Variants in XKR9 observed in about 807,000 individuals in gnomAD.
XKR9 encodes the protein XK related 9, also known as XK-related protein 9.
In XKR9, 32 loss-of-function variants were observed where a neutral mutation model predicts 32.0. The ratio of observed to expected loss-of-function variants is 1.00; its 90% confidence interval spans 0.76 to 1.34. XKR9 has a LOEUF of 1.34. Among genes scored for constraint, XKR9 ranks in the 40% most tolerant of loss-of-function variants. The pLI, the probability that XKR9 is intolerant of heterozygous loss-of-function variation, is 0.00. For missense variants in XKR9, 546 were observed against 429.7 expected, an observed-to-expected ratio of 1.27 and a Z score of -2.39; for synonymous variants, 168 against 143.4, an observed-to-expected ratio of 1.17 and a Z score of -1.22.
the XKR9 span, among the ~76,000 whole-genome samples, chr8:71,020,048 A>T: frequency 6.6e-6 from 1 of 152,176 alleles, no homozygotes; most frequent in African/African-American, 2.4e-5. Flanking sequence ...AATGCCAAAC[A>T]TGTGCCACTA....
At position 70,757,194 on chromosome 8, in the gene XKR9, G is replaced by T. The variant is rs183985570; in HGVS notation, n.353-32145G>T. On this transcript the variant is annotated intron_variant and non_coding_transcript_variant, in intron 2 of 3. Coordinates refer to the XKR9 transcript ENST00000520273. ...TTGAATTCTTGGTGAAATCTCATTT[G>T]GTTATGAATTTTCTCATTTCTCCTC... Among the ~76,000 whole-genome samples the T allele has an allele frequency of 1.2e-3, 178 of 151,892 alleles. 2 individuals are homozygous for T. The East Asian group carries it at 0.03, about 26-fold the overall frequency.
intron 3 of XKR9, among the ~76,000 whole-genome samples, chr8:70,684,652 AAAAC>A (rs1466890561): frequency 1.2e-4 from 18 of 151,184 alleles, no homozygotes; most frequent in African/African-American, 3.9e-4. Context: ...TTACAAGAAA[AAAAC>A]AAACAACCCC....
intron 2 of XKR9, among the ~76,000 whole-genome samples, chr8:70,779,813 C>T (rs1807590228): frequency 6.6e-6 from 1 of 151,716 alleles, no homozygotes; most frequent in African/African-American, 2.4e-5. Context: ...TCCTTAATCA[C>T]TTTTATTGTG....
At chr8:70,897,482 A>G in the XKR9 span, among the ~76,000 whole-genome samples, 1 of 152,278 alleles carries the variant, frequency 6.6e-6, no homozygotes, top group African/African-American at 2.4e-5. Context: ...TGGTTATACT[A>G]ATTTACATTA....
the XKR9 span, among the ~76,000 whole-genome samples, chr8:70,909,981 T>C: frequency 3.3e-4 from 50 of 152,164 alleles, no homozygotes; most frequent in Middle Eastern, 3.4e-3. Context: ...GTGCTGGGAT[T>C]ACAGGCATGA....
the XKR9 span, among the ~76,000 whole-genome samples, chr8:71,048,956 T>A: frequency 6.6e-6 from 1 of 152,324 alleles, no homozygotes; most frequent in South Asian, 2.1e-4. Context: ...TGTACTTGGT[T>A]TGAAGCCAGG....
At chr8:70,949,929 G>T in the XKR9 span, among the ~76,000 whole-genome samples, 1 of 152,144 alleles carries the variant, frequency 6.6e-6, no homozygotes, top group Non-Finnish European at 1.5e-5. Context: ...TTCAGATGAA[G>T]CTTTGAGAAG....
chr8:70,859,166 A>G, the XKR9 span, among the ~76,000 whole-genome samples: 1 of 152,122 alleles, frequency 6.6e-6, no homozygotes, highest in East Asian at 1.9e-4. Context: ...AAAAAACCAA[A>G]TAATCCAATC....
chr8:70,676,142 G>A (rs955034907), intron 2 of XKR9, among the ~76,000 whole-genome samples: 6 of 152,142 alleles, frequency 3.9e-5, no homozygotes, highest in African/African-American at 7.2e-5. Flanking sequence ...AAGGTGAAGA[G>A]GAAGCACGTG....
At chr8:70,982,098 T>G in the XKR9 span, among the ~76,000 whole-genome samples, 5 of 152,250 alleles carry the variant, frequency 3.3e-5, no homozygotes, top group African/African-American at 1.2e-4. Context: ...TTGTTTAATG[T>G]GCTGATTTTG....
chr8:70,724,618 G>C (rs1806398930), intron 4 of XKR9, among the ~76,000 whole-genome samples: 1 of 152,068 alleles, frequency 6.6e-6, no homozygotes, highest in Admixed American at 6.5e-5. Context: ...GGCTTCCCTT[G>C]GCTAGGGGAG....
chr8:70,986,370 A>G, the XKR9 span, among the ~76,000 whole-genome samples: 6 of 152,310 alleles, frequency 3.9e-5, no homozygotes, highest in South Asian at 1.2e-3. Flanking sequence ...TTTCCACTCT[A>G]TAATAAAACA....
At chr8:71,001,963 C>T in the XKR9 span, among the ~76,000 whole-genome samples, 1 of 152,136 alleles carries the variant, frequency 6.6e-6, no homozygotes, top group Non-Finnish European at 1.5e-5. Context: ...TACATGAGAT[C>T]AGCCTTAAAA....
chr8:70,687,291 CAGG>C (rs1819315577), intron 3 of XKR9, among the ~76,000 whole-genome samples: 1 of 151,930 alleles, frequency 6.6e-6, no homozygotes, highest in Non-Finnish European at 1.5e-5. Flanking sequence ...ATGAAAATGA[CAGG>C]ATTTCTTTCT....
At chr8:70,960,252 A>C in the XKR9 span, among the ~76,000 whole-genome samples, 6 of 151,166 alleles carry the variant, frequency 4.0e-5, no homozygotes, top group African/African-American at 1.2e-4. Flanking sequence ...TCCCCCCCAA[A>C]AAAAAAAAAT....
At chr8:70,752,887 G>A (rs1428542325) in intron 2 of XKR9, among the ~76,000 whole-genome samples, 1 of 152,176 alleles carries the variant, frequency 6.6e-6, no homozygotes, top group Non-Finnish European at 1.5e-5. Context: ...ACATTCAAAA[G>A]CTAGCAGAAG....
At chr8:70,935,204 T>C in the XKR9 span, among the ~76,000 whole-genome samples, 20 of 12,210 alleles carry the variant, frequency 1.6e-3, no homozygotes, top group Admixed American at 0.015. Flanking sequence ...TACATATACA[T>C]ATATACACAC....
chr8:70,939,722 G>A, the XKR9 span, among the ~76,000 whole-genome samples: 63,625 of 151,746 alleles, frequency 0.42, 14,393 homozygotes, highest in Non-Finnish European at 0.52. Flanking sequence ...CTATTTATCA[G>A]CTGTGTTCCA....
the XKR9 span, among the ~76,000 whole-genome samples, chr8:70,897,775 T>A: frequency 6.6e-6 from 1 of 152,326 alleles, no homozygotes; most frequent in East Asian, 1.9e-4. Flanking sequence ...TATTACTCCT[T>A]TGTCAGATGA....
Sources: gnomAD v4.1 joint callset for allele counts (sites outside exome capture counted in the v4.1 genomes callset) on GRCh38, gnomAD v4.1.1 for gene constraint, MANE v1.5 for transcripts, NCBI Gene and HGNC (gene_info 2026-07-23, HGNC 2026-07-21) for gene names.